Variants in PUS7 observed in about 807,000 individuals in gnomAD.
The protein encoded by PUS7 is pseudouridine synthase 7, also known as pseudouridylate synthase 7 homolog.
In PUS7, 48 loss-of-function variants were observed where a neutral mutation model predicts 79.8. That is an observed-to-expected ratio of 0.60 (90% CI 0.48 to 0.76). PUS7 has a LOEUF of 0.76. PUS7 is among the 30% of genes least tolerant of loss of function. The probability of loss-of-function intolerance (pLI) is 0.00; values close to 1 mark genes in which losing one functional copy is unlikely to be tolerated. For synonymous variants in PUS7, 286 were observed against 272.2 expected, an observed-to-expected ratio of 1.05 and a Z score of -0.50; for missense variants, 729 against 797.6, an observed-to-expected ratio of 0.91 and a Z score of 1.04.
chr7:105,503,112 T>C (rs1479354535), intron 4 of PUS7, among the ~76,000 whole-genome samples: 1 of 152,186 alleles, frequency 6.6e-6, no homozygotes, highest in East Asian at 1.9e-4. Flanking sequence ...TATTTAATCT[T>C]TGTAATCTCT....
At chr7:105,499,220 G>A (rs192538480) in intron 5 of PUS7, among the ~76,000 whole-genome samples, 2 of 152,254 alleles carry the variant, frequency 1.3e-5, no homozygotes, top group African/African-American at 2.4e-5. Context: ...ATTTTCCATT[G>A]CCACAGGAAT....
At chr7:105,497,927 C>G (rs1262318018) in intron 5 of PUS7, among the ~76,000 whole-genome samples, 1 of 152,178 alleles carries the variant, frequency 6.6e-6, no homozygotes, top group Non-Finnish European at 1.5e-5. Context: ...TTTAAAAACA[C>G]TTGTGATAAA....
At chr7:105,461,755 C>G (rs1346259578) in intron 14 of PUS7, among the ~76,000 whole-genome samples, 1 of 152,150 alleles carries the variant, frequency 6.6e-6, no homozygotes, top group Non-Finnish European at 1.5e-5. Context: ...GATGGTATAG[C>G]CTACTACACG....
chr7:105,488,995 G>T (rs1824668489), intron 7 of PUS7, among the ~76,000 whole-genome samples: 1 of 151,390 alleles, frequency 6.6e-6, no homozygotes, highest in Non-Finnish European at 1.5e-5. Flanking sequence ...AAAAATACAA[G>T]AAATTAGCTG....
At chr7:105,510,381 A>AT (rs1389062793) in intron 1 of PUS7, among the ~76,000 whole-genome samples, 16 of 152,320 alleles carry the variant, frequency 1.1e-4, no homozygotes, top group Middle Eastern at 3.4e-3. Flanking sequence ...GTCATACCAC[A>AT]TTAAAAAAAA....
intron 7 of PUS7, among the ~76,000 whole-genome samples, chr7:105,485,485 C>T (rs546114557): frequency 1.3e-5 from 2 of 152,364 alleles, no homozygotes; most frequent in East Asian, 3.9e-4. Flanking sequence ...GCTGGGATTA[C>T]AGGCATGAGC....
intron 4 of PUS7, among the ~76,000 whole-genome samples, chr7:105,505,682 C>T (rs1408362361): frequency 1.3e-5 from 2 of 152,050 alleles, no homozygotes; most frequent in African/African-American, 2.4e-5. Context: ...CTTCAGCCTT[C>T]GGAGTAGCTA....
chr7:105,471,912 C>CAAA (rs59389623), intron 10 of PUS7, among the ~76,000 whole-genome samples: 1 of 77,096 alleles, frequency 1.3e-5, no homozygotes, highest in Non-Finnish European at 3.2e-5. Flanking sequence ...AACTCCTTAT[C>CAAA]AAAAAAAAAA....
At position 105,502,440 on chromosome 7, in the gene PUS7, G is replaced by C. The variant is rs1825292110; in HGVS notation, c.710C>G (p.Ala237Gly). 1 of 1,614,046 alleles carries C rather than the reference G, an allele frequency of 6.2e-7. No individual in the cohort carries two copies. Residue 237 changes from alanine (A) to glycine (G), a missense_variant, in exon 5 of 16, where the codon GCT becomes GGT. Coordinates refer to ENST00000469408, the MANE Select transcript of PUS7 (RefSeq NM_019042.5). ...GKKYIVAYHA[A>G]GKKALANPRK... is the part of the protein sequence containing the mutation. ...CCTACTTGCCAAAGCCTTTTTCCCA[G>C]CTGCGTGGTAGGCTACAATGTATTT...
At chr7:105,500,097 A>G (rs1825187038) in intron 5 of PUS7, among the ~76,000 whole-genome samples, 2 of 152,294 alleles carry the variant, frequency 1.3e-5, no homozygotes, top group South Asian at 2.1e-4. Context: ...CCATCTTTGA[A>G]GAAATGTCAC....
chr7:105,499,432 C>T (rs1426687742), intron 5 of PUS7, among the ~76,000 whole-genome samples: 1 of 152,066 alleles, frequency 6.6e-6, no homozygotes, highest in Non-Finnish European at 1.5e-5. Context: ...TATCACATGG[C>T]AGAATTTTCT....
intron 11 of PUS7, 21 bp downstream of exon 11, chr7:105,470,667 G>A (rs201960700): frequency 1.3e-6 from 2 of 1,543,624 alleles, no homozygotes; most frequent in Admixed American, 4.0e-5. Context: ...GCCATTGCCT[G>A]ACTTCACAAA....
intron 6 of PUS7, among the ~76,000 whole-genome samples, chr7:105,492,591 C>T (rs866832745): frequency 1.4e-5 from 2 of 146,930 alleles, no homozygotes; most frequent in Non-Finnish European, 3.0e-5. Flanking sequence ...CTGCAAGCTC[C>T]GCCTCCCGGG....
intron 6 of PUS7, among the ~76,000 whole-genome samples, chr7:105,493,309 C>G (rs1586147323): frequency 6.6e-6 from 1 of 152,152 alleles, no homozygotes; most frequent in African/African-American, 2.4e-5. Flanking sequence ...TTAACCGTTC[C>G]ATATGAGAAG....
chr7:105,501,414 A>G (rs1451796457), intron 5 of PUS7, among the ~76,000 whole-genome samples: 3 of 152,130 alleles, frequency 2.0e-5, no homozygotes, highest in East Asian at 3.8e-4. Flanking sequence ...AAATTACCTA[A>G]TTTTCCTGAA....
At chr7:105,511,441 TTA>T (rs373747632) in intron 1 of PUS7, among the ~76,000 whole-genome samples, 21 of 145,860 alleles carry the variant, frequency 1.4e-4, no homozygotes, top group South Asian at 2.1e-4. Flanking sequence ...AAATTTTCAT[TTA>T]AAAAAAAAAA....
At chr7:105,514,712 A>G (rs1383315868) in intron 1 of PUS7, among the ~76,000 whole-genome samples, 2 of 152,224 alleles carry the variant, frequency 1.3e-5, no homozygotes, top group Middle Eastern at 3.2e-3. Flanking sequence ...TCTGAGTCAC[A>G]TATGGTTACA....
intron 5 of PUS7, 57 bp from the exon 6 acceptor site, chr7:105,495,310 A>G: frequency 9.7e-7 from 1 of 1,026,712 alleles, no homozygotes; most frequent in Non-Finnish European, 1.5e-6. Flanking sequence ...TAGATGTAAG[A>G]GCTCATTTTT....
Position 105,496,196 on chromosome 7 carries a change from CATATAT to C in PUS7, c.731-949_731-944del, listed in dbSNP as rs1159713098. On this transcript the variant is annotated intron_variant, in intron 5 of 15. Transcript: ENST00000469408. The stretch of plus-strand genomic sequence containing the variant: ...AAGTATGCATATCTACACACACACA[CATATAT>C]ATATATATATATATATATATATATA... Among the ~76,000 whole-genome samples, 283 of 81,504 alleles carry C rather than the reference CATATAT, an allele frequency of 3.5e-3. 1 individual carries two copies. The highest frequency in any genetic ancestry group is 5.9e-3 in the Admixed American group (36 of 6,074). 53.5% of individuals were successfully genotyped at this position (81,504 alleles called of 152,430 possible).
Sources: allele counts gnomAD v4.1 joint callset (sites outside exome capture counted in the v4.1 genomes callset), GRCh38; gene constraint gnomAD v4.1.1; transcripts MANE v1.5; gene names NCBI Gene and HGNC (gene_info 2026-07-23, HGNC 2026-07-21).